KIF26B: variants seen among roughly 807,000 people sequenced by gnomAD.
KIF26B encodes the protein kinesin-like protein KIF26B.
KIF26B carries 63 observed loss-of-function variants against 151.2 expected under a neutral mutation model. The observed-to-expected ratio is 0.42, with a 90% CI of 0.34 to 0.51. KIF26B has a LOEUF of 0.51. Among genes scored for constraint, KIF26B ranks in the 20% least tolerant of loss-of-function variants. The probability of loss-of-function intolerance (pLI) is 0.07; values close to 1 mark genes in which losing one functional copy is unlikely to be tolerated. For missense variants in KIF26B, 2,813 were observed against 2,913.6 expected (o/e 0.97, Z 0.79); for synonymous variants, 1,357 against 1,262.1 (o/e 1.08, Z -1.59).
rs1430492161 is a variant in KIF26B at position 245,560,967 on chromosome 1, C to T, written c.1350+20017C>T. ...TGCCCCTTCTAGCCCCATGGGACACCTGACTGATAGCAGCCTGTGCAGATG... is the reference window on the plus strand; with the variant it reads ...TGCCCCTTCTAGCCCCATGGGACACTTGACTGATAGCAGCCTGTGCAGATG... On this transcript the variant is annotated intron_variant, in intron 5 of 14. Transcript: ENST00000407071. This position sits in a 1 kb window ranked among gnomAD's most constrained non-coding sequence, Gnocchi z 4.3. 6.6e-6 allele frequency among the ~76,000 whole-genome samples: 1 copy of T among 152,216 alleles called. No individual in the cohort carries two copies. The highest frequency in any genetic ancestry group is 1.5e-5 in the Non-Finnish European group (1 of 68,040).
In KIF26B at chr1:245,702,775, T is replaced by A. The variant is rs2044789853; in HGVS notation, c.*169T>A. ...AAGGCGAGTTTTCTTTTGTTTTCTG[T>A]AGGAAAGGTGCAAACGTCAAACACC... is the stretch of plus-strand genomic sequence containing the variant. On this transcript the variant is annotated 3_prime_UTR_variant, in exon 15 of 15. Transcript: ENST00000407071. This position sits in a 1 kb window ranked among gnomAD's most constrained non-coding sequence, Gnocchi z 4.1. The A allele has an allele frequency of 1.4e-6, 1 of 701,998 alleles. No homozygotes were observed. The highest frequency in any genetic ancestry group is 2.2e-6 in the Non-Finnish European group (1 of 451,644). 43.5% of individuals were successfully genotyped at this position (701,998 alleles called of 1,614,324 possible).
At chr1:245,365,861 A>G (rs375533470) in intron 2 of KIF26B, among the ~76,000 whole-genome samples, 40 of 152,318 alleles carry the variant, frequency 2.6e-4, no homozygotes, top group African/African-American at 3.1e-4. Flanking sequence ...CAGAACTCCA[A>G]GGTCACAAGT....
intron 3 of KIF26B, among the ~76,000 whole-genome samples, chr1:245,373,387 A>G (rs1673170808): frequency 6.6e-6 from 1 of 152,192 alleles, no homozygotes. Context: ...AAATCCTTAG[A>G]TGCAGTGGAA....
At chr1:245,302,769 C>A (rs1250383070) in intron 2 of KIF26B, among the ~76,000 whole-genome samples, 2 of 151,862 alleles carry the variant, frequency 1.3e-5, no homozygotes, top group African/African-American at 2.4e-5. Flanking sequence ...GGTGGGCGGA[C>A]CAAGAGGTCA....
chr1:245,262,673 T>C (rs944730291), intron 2 of KIF26B, among the ~76,000 whole-genome samples: 3 of 152,154 alleles, frequency 2.0e-5, no homozygotes, highest in African/African-American at 7.2e-5. Flanking sequence ...CAGGCTGGTC[T>C]CAAACTCCCG....
intron 9 of KIF26B, among the ~76,000 whole-genome samples, chr1:245,613,796 G>A (rs2043554328): frequency 6.6e-6 from 1 of 152,154 alleles, no homozygotes; most frequent in African/African-American, 2.4e-5. Context: ...TTTAGTTACT[G>A]TTGTTAAAAT....
At chr1:245,185,741 A>C (rs1668988311) in intron 2 of KIF26B, among the ~76,000 whole-genome samples, 1 of 152,160 alleles carries the variant, frequency 6.6e-6, no homozygotes. Context: ...CATGTGTGCT[A>C]ATTTTCTAAA....
At chr1:245,381,764 T>C (rs528098526) in intron 3 of KIF26B, among the ~76,000 whole-genome samples, 1 of 152,268 alleles carries the variant, frequency 6.6e-6, no homozygotes, top group African/African-American at 2.4e-5. Context: ...GCAAACACCA[T>C]TCCACTTTGT....
chr1:245,300,953 C>G (rs1671419523), intron 2 of KIF26B, among the ~76,000 whole-genome samples: 1 of 151,702 alleles, frequency 6.6e-6, no homozygotes, highest in Non-Finnish European at 1.5e-5. Context: ...GCCTCAGCCC[C>G]CCAGTAGCTG....
At chr1:245,419,454 T>G (rs1359243389) in intron 3 of KIF26B, 125 bp from the exon 4 acceptor site, 1 of 770,358 alleles carries the variant, frequency 1.3e-6, no homozygotes, top group African/African-American at 1.8e-5. Context: ...CACGTGTAAC[T>G]GAATGCAGGT....
chr1:245,374,080 A>T (rs1673196914), intron 3 of KIF26B, among the ~76,000 whole-genome samples: 1 of 32,744 alleles, frequency 3.1e-5, no homozygotes, highest in Non-Finnish European at 5.2e-5. Context: ...AAAAAAAAAA[A>T]AAAAAAAAAA....
At position 245,684,380 on chromosome 1, in the gene KIF26B, G is replaced by C; in HGVS notation, c.2406G>C (p.Lys802Asn). ...TTGCATCGAGAGTCTTGAGGATGAA[G>C]AAAAAGAAGACGAAGGTAAGGAGCT... Reference protein sequence around the residue: ...IQIASRVLRMKKKKTKYTSSS... With the variant: ...IQIASRVLRMNKKKTKYTSSS... The change falls in exon 11 of 15, where the codon AAG becomes AAC. Residue 802 changes from lysine (K) to asparagine (N), a missense_variant. Lys to Asn is a moderately conservative substitution (Grantham distance 94). Coordinates refer to ENST00000407071, the MANE Select transcript of KIF26B (RefSeq NM_018012.4). The C allele has an allele frequency of 6.3e-7, 1 of 1,597,938 alleles. No individual in the cohort carries two copies. The highest frequency in any genetic ancestry group is 1.1e-5 in the South Asian group (1 of 90,546).
intron 3 of KIF26B, among the ~76,000 whole-genome samples, chr1:245,399,924 TA>T (rs555802153): frequency 2.8e-4 from 43 of 152,196 alleles, no homozygotes; most frequent in Admixed American, 1.4e-3. Flanking sequence ...AAGTTTACTT[TA>T]AAAAAAATCA....
intron 9 of KIF26B, among the ~76,000 whole-genome samples, chr1:245,630,638 G>A (rs139713237): frequency 6.6e-6 from 1 of 152,086 alleles, no homozygotes; most frequent in South Asian, 2.1e-4. Flanking sequence ...TGCATGTGGG[G>A]CTTAAAACCT....
At chr1:245,440,970 G>A (rs1659065376) in intron 4 of KIF26B, among the ~76,000 whole-genome samples, 1 of 152,232 alleles carries the variant, frequency 6.6e-6, no homozygotes, top group African/African-American at 2.4e-5. Flanking sequence ...TTTCACCCAA[G>A]CACCTGGATT....
chr1:245,267,644 A>G (rs1273203317), intron 2 of KIF26B, among the ~76,000 whole-genome samples: 2 of 52,998 alleles, frequency 3.8e-5, no homozygotes, highest in African/African-American at 1.7e-4. Flanking sequence ...GCACACACAC[A>G]CACACACACA....
At chr1:245,283,419 T>C (rs6428910) in intron 2 of KIF26B, among the ~76,000 whole-genome samples, 92,561 of 151,882 alleles carry the variant, frequency 0.61, 28,708 homozygotes, top group East Asian at 0.72. Context: ...TGAGTACCTT[T>C]CACCATCTGT....
At chr1:245,499,181 A>C (rs562450529) in intron 4 of KIF26B, among the ~76,000 whole-genome samples, 18 of 152,330 alleles carry the variant, frequency 1.2e-4, no homozygotes, top group Admixed American at 5.2e-4. Flanking sequence ...AACTCAGGAC[A>C]ATTCTCAATG....
chr1:245,561,681 C>G (rs1226154876), intron 5 of KIF26B, among the ~76,000 whole-genome samples: 5 of 152,308 alleles, frequency 3.3e-5, no homozygotes, highest in Admixed American at 2.6e-4. Flanking sequence ...TTTGCATATA[C>G]CAACTCATTA....
Sources: gnomAD v4.1 joint callset for allele counts (sites outside exome capture counted in the v4.1 genomes callset) on GRCh38, gnomAD v4.1.1 for gene constraint, Gnocchi (gnomAD v3.1) non-coding constraint, MANE v1.5 for transcripts, NCBI Gene and HGNC (gene_info 2026-07-23, HGNC 2026-07-21) for gene names.